Variants in LMO4 observed in about 807,000 individuals in gnomAD.
The protein encoded by LMO4 is LIM domain only 4, also known as LIM domain transcription factor LMO4.
A neutral mutation model predicts 18.5 loss-of-function variants in LMO4; 3 were observed. The ratio of observed to expected loss-of-function variants is 0.16; its 90% CI spans 0.07 to 0.42. LMO4 has a LOEUF of 0.42. Among genes scored for constraint, LMO4 ranks in the 10% least tolerant of loss-of-function variants. The pLI, the probability that LMO4 is intolerant of heterozygous loss-of-function variation, is 0.99. For missense variants in LMO4, 121 were observed against 219.9 expected (o/e 0.55, Z 2.84); for synonymous variants, 100 against 88.1 (o/e 1.14, Z -0.76).
chr1:87,338,634 T>C (rs1049526431), intron 2 of LMO4, among the ~76,000 whole-genome samples: 1 of 152,344 alleles, frequency 6.6e-6, no homozygotes, highest in South Asian at 2.1e-4. Flanking sequence ...ATGTTTTTCT[T>C]CAGTACACCA....
rs770538640 is a variant in LMO4 at position 87,332,019 on chromosome 1, G to C, written c.4G>C (p.Val2Leu). The C allele has an allele frequency of 4.3e-6, 7 of 1,611,808 alleles. No individual in the cohort carries two copies. Among genetic ancestry groups the C allele is most frequent in the Non-Finnish European group, 5.9e-6 (7 of 1,179,618 alleles). Residue 2 changes from valine (V) to leucine (L), a missense_variant, in exon 2 of 5, where the codon GTG (valine) becomes CTG (leucine). Val to Leu is a conservative substitution (Grantham distance 32, BLOSUM62 1). This residue lies in a region of LMO4 where 51 missense variants were observed against 56.8 expected (regional missense o/e 0.90). Coordinates refer to ENST00000370544, the MANE Select transcript of LMO4 (RefSeq NM_006769.4). M[V>L]NPGSSSQPPP... ...CCCTTCCCGCCCTCTGCAGACCATG[G>C]TGAATCCGGGCAGCAGCTCGCAGCC...
intron 1 of LMO4, 124 bp downstream of exon 1, chr1:87,329,368 A>C (rs1364683155): frequency 6.6e-6 from 1 of 152,302 alleles, no homozygotes; most frequent in African/African-American, 2.4e-5. Context: ...AGTAAACAAT[A>C]CGTCGGCTTA....
intron 4 of LMO4, among the ~76,000 whole-genome samples, chr1:87,341,448 CA>C (rs549833683): frequency 1.3e-5 from 2 of 150,932 alleles, no homozygotes; most frequent in African/African-American, 4.9e-5. Flanking sequence ...GTAAGGATCA[CA>C]AAAAAAACAA....
intron 4 of LMO4, among the ~76,000 whole-genome samples, chr1:87,342,100 T>C (rs979853442): frequency 1.3e-5 from 2 of 152,196 alleles, no homozygotes; most frequent in African/African-American, 4.8e-5. Context: ...GCTGGTTTTA[T>C]ACCATTTCTT....
At position 87,328,892 on chromosome 1, in the gene LMO4, G is replaced by T. The variant is rs1423410452; in HGVS notation, c.-356G>T. Reference sequence around the variant, plus strand: ...CATTGCCAAACTTGCAGCAGCGATTGCAGCAGTTGCTGCCGCTGCGCCGCG... The same window carrying T: ...CATTGCCAAACTTGCAGCAGCGATTTCAGCAGTTGCTGCCGCTGCGCCGCG... On this transcript the variant is annotated 5_prime_UTR_variant, in exon 1 of 5. Coordinates refer to ENST00000370544, the MANE Select transcript of LMO4 (RefSeq NM_006769.4). 2.0e-5 allele frequency: 3 copies of T among 152,490 alleles called. No individual in the cohort carries two copies. Among genetic ancestry groups the T allele is most frequent in the Non-Finnish European group, 4.4e-5 (3 of 68,000 alleles). The allele number at this position is 152,490 out of a possible 1,614,324, so 9.4% of individuals were successfully genotyped here. A position where few individuals can be genotyped will look rare whatever the true frequency, so the allele number is the denominator to read the frequency against.
intron 2 of LMO4, among the ~76,000 whole-genome samples, chr1:87,337,965 G>A (rs1650359549): frequency 6.6e-6 from 1 of 152,228 alleles, no homozygotes; most frequent in South Asian, 2.1e-4. Context: ...GTGTCAATGT[G>A]TCGTGGATCT....
rs1301236172 is a variant in LMO4, at chr1:87,346,904, G to A, written c.*2108G>A. 1 of 152,130 alleles carries A rather than the reference G, an allele frequency of 6.6e-6. No individual in the cohort carries two copies. The highest frequency in any genetic ancestry group is 2.1e-4 in the South Asian group (1 of 4,828). The allele number at this position is 152,130 out of a possible 1,614,324, so 9.4% of individuals were successfully genotyped here. ...AACTTTCTGAAGGAAGTTAGACTGC[G>A]ATGGTAAAGGGGGAAATGGGTTAAT... On this transcript the variant is annotated 3_prime_UTR_variant, in exon 5 of 5. Transcript: ENST00000370544.
chr1:87,344,703 G>A (rs1488438254), intron 4 of LMO4, 85 bp from the exon 5 acceptor site: 2 of 1,319,548 alleles, frequency 1.5e-6, no homozygotes, highest in Non-Finnish European at 2.2e-6. Context: ...TAGTGAATGT[G>A]GGGAAGACAA....
intron 2 of LMO4, among the ~76,000 whole-genome samples, chr1:87,334,452 C>T (rs928496872): frequency 2.6e-5 from 4 of 152,162 alleles, no homozygotes; most frequent in Admixed American, 1.3e-4. Context: ...GTTGCTGTTC[C>T]TCTCAGCTAC....
rs779320973 is a variant in LMO4, at chr1:87,344,966, A to T, written c.*170A>T. ...CCCTTCCCGCATTTATTGGTGTATT[A>T]AAATGACTGAATATGAACATTAAGG... is the stretch of plus-strand genomic sequence containing the variant. On this transcript the variant is annotated 3_prime_UTR_variant, in exon 5 of 5. Coordinates refer to ENST00000370544, the MANE Select transcript of LMO4 (RefSeq NM_006769.4). The T allele has an allele frequency of 3.8e-4, 230 of 604,102 alleles. No individual in the cohort carries two copies. Among genetic ancestry groups the T allele is most frequent in the Non-Finnish European group, 6.0e-4 (206 of 341,590 alleles). The allele number at this position is 604,102 out of a possible 1,614,324, so 37.4% of individuals were successfully genotyped here.
chr1:87,337,467 C>T (rs1201134992), intron 2 of LMO4, among the ~76,000 whole-genome samples: 1 of 152,110 alleles, frequency 6.6e-6, no homozygotes, highest in Admixed American at 6.5e-5. Context: ...CACTGTGTAC[C>T]TGTTGGTAGT....
chr1:87,343,308 C>T (rs1650545872), intron 4 of LMO4, among the ~76,000 whole-genome samples: 1 of 152,168 alleles, frequency 6.6e-6, no homozygotes, highest in African/African-American at 2.4e-5. Flanking sequence ...TGAAATCTTG[C>T]ATTTCAGATG....
intron 4 of LMO4, 67 bp downstream of exon 4, chr1:87,340,269 G>GC (rs1182070852): frequency 1.4e-6 from 2 of 1,478,776 alleles, no homozygotes; most frequent in Non-Finnish European, 1.9e-6. Flanking sequence ...TCTTAACCTA[G>GC]CAAGAGAGTT....
intron 2 of LMO4, among the ~76,000 whole-genome samples, chr1:87,335,358 G>A (rs1650275232): frequency 6.6e-6 from 1 of 152,092 alleles, no homozygotes; most frequent in African/African-American, 2.4e-5. Flanking sequence ...CAGGGTGGCG[G>A]TCGTCGGCTG....
At chr1:87,340,872 T>C (rs1650455273) in intron 4 of LMO4, among the ~76,000 whole-genome samples, 1 of 152,218 alleles carries the variant, frequency 6.6e-6, no homozygotes, top group Non-Finnish European at 1.5e-5. Flanking sequence ...TTGAAAATCC[T>C]TGTACCAGAA....
At chr1:87,331,823 G>C (rs1361551955) in intron 1 of LMO4, 190 bp from the exon 2 acceptor site, 1 of 585,026 alleles carries the variant, frequency 1.7e-6, no homozygotes, top group African/African-American at 1.9e-5. Context: ...AAGTAAACAG[G>C]CGGCTGCTGC....
Position 87,347,648 on chromosome 1 carries a change from T to C in LMO4, c.*2852T>C, listed in dbSNP as rs986039732. On this transcript the variant is annotated 3_prime_UTR_variant, in exon 5 of 5. Transcript: ENST00000370544. ...AAAAGCAAATGTTACTGAGCCCTGC[T>C]GAACTCCTGATAAAAAAAATTATGT... 3 of 151,930 alleles carry C rather than the reference T, an allele frequency of 2.0e-5. No individual in the cohort carries two copies. The highest frequency in any genetic ancestry group is 7.3e-5 in the African/African-American group (3 of 41,160). 9.4% of individuals were successfully genotyped at this position (151,930 alleles called of 1,614,324 possible).
intron 1 of LMO4, among the ~76,000 whole-genome samples, chr1:87,329,875 C>T (rs1055386851): frequency 5.3e-5 from 8 of 152,110 alleles, no homozygotes; most frequent in Non-Finnish European, 8.8e-5. Flanking sequence ...ACACCAGAGA[C>T]GTTGTTAAAG....
intron 2 of LMO4, among the ~76,000 whole-genome samples, chr1:87,336,572 G>A (rs1650319979): frequency 6.6e-6 from 1 of 152,198 alleles, no homozygotes; most frequent in African/African-American, 2.4e-5. Context: ...ACTACATGGT[G>A]TTGTTCAAAC....
Sources: gnomAD v4.1 joint callset for allele counts (sites outside exome capture counted in the v4.1 genomes callset) on GRCh38, gnomAD v4.1.1 for gene constraint, gnomAD v4.1.1 regional missense constraint, MANE v1.5 for transcripts, NCBI Gene and HGNC (gene_info 2026-07-23, HGNC 2026-07-21) for gene names.